The following PRKD1 variants were observed in gnomAD, a reference collection of about 807,000 sequenced individuals.
PRKD1 encodes the protein serine/threonine-protein kinase D1.
PRKD1 carries 63 observed loss-of-function variants against 95.9 expected under a neutral mutation model. The ratio of observed to expected loss-of-function variants is 0.66; its 90% CI spans 0.54 to 0.81. The LOEUF is 0.81. PRKD1 is among the 30% of genes least tolerant of loss of function. PRKD1 has a pLI of 0.00. For missense variants in PRKD1, 1,048 were observed against 1,165.3 expected (o/e 0.90, Z 1.47); for synonymous variants, 425 against 423.1 (o/e 1.00, Z -0.05).
At chr14:29,856,682 A>C (rs1282716225) in intron 1 of PRKD1, among the ~76,000 whole-genome samples, 2 of 152,230 alleles carry the variant, frequency 1.3e-5, no homozygotes, top group Non-Finnish European at 2.9e-5. Context: ...GATACCATGA[A>C]GTCCAGGAAA....
chr14:29,664,392 C>T (rs141489119), intron 3 of PRKD1, among the ~76,000 whole-genome samples: 4 of 152,126 alleles, frequency 2.6e-5, no homozygotes, highest in Admixed American at 2.6e-4. Flanking sequence ...TGCTGGTTTC[C>T]ACATGGTAGG....
intron 1 of PRKD1, among the ~76,000 whole-genome samples, chr14:29,752,819 C>T (rs143495605): frequency 1.3e-5 from 2 of 151,956 alleles, no homozygotes; most frequent in Admixed American, 6.6e-5. Flanking sequence ...TGTTTAGAAA[C>T]GAACTTTTCT....
At chr14:29,696,438 C>A (rs765913096) in intron 2 of PRKD1, among the ~76,000 whole-genome samples, 29 of 152,068 alleles carry the variant, frequency 1.9e-4, no homozygotes, top group Non-Finnish European at 3.2e-4. Context: ...CAGACTAGAG[C>A]TGATTCCTAT....
intron 11 of PRKD1, among the ~76,000 whole-genome samples, chr14:29,627,045 T>C (rs1266385330): frequency 1.3e-5 from 2 of 152,220 alleles, no homozygotes; most frequent in Non-Finnish European, 2.9e-5. Context: ...TGTAATAACG[T>C]AATGTTACGA....
chr14:29,833,904 A>C (rs45604933), intron 1 of PRKD1, among the ~76,000 whole-genome samples: 2,314 of 152,088 alleles, frequency 0.015, 56 homozygotes, highest in African/African-American at 0.047. Flanking sequence ...AAAAAGGAAG[A>C]AAAAAAGAAA....
At chr14:29,769,717 T>A (rs1490746013) in intron 1 of PRKD1, among the ~76,000 whole-genome samples, 1 of 152,170 alleles carries the variant, frequency 6.6e-6, no homozygotes, top group Non-Finnish European at 1.5e-5. Context: ...CACATACACA[T>A]GCATATACAC....
At chr14:29,602,271 G>A (rs1427662592) in intron 13 of PRKD1, among the ~76,000 whole-genome samples, 1 of 152,076 alleles carries the variant, frequency 6.6e-6, no homozygotes, top group Admixed American at 6.5e-5. Flanking sequence ...GAGGGCAGGG[G>A]TCACGGGAGT....
intron 1 of PRKD1, among the ~76,000 whole-genome samples, chr14:29,737,712 C>T (rs977244325): frequency 6.6e-6 from 1 of 152,170 alleles, no homozygotes; most frequent in African/African-American, 2.4e-5. Flanking sequence ...TCTTAGCTCC[C>T]TTGGTGGAGT....
chr14:29,884,005 T>C (rs1353041439), intron 1 of PRKD1, among the ~76,000 whole-genome samples: 1 of 152,200 alleles, frequency 6.6e-6, no homozygotes, highest in Non-Finnish European at 1.5e-5. Flanking sequence ...GATCATCAAA[T>C]GGCAACTCCT....
chr14:29,655,998 A>G (rs1042033071), intron 4 of PRKD1, among the ~76,000 whole-genome samples: 1 of 151,446 alleles, frequency 6.6e-6, no homozygotes, highest in Non-Finnish European at 1.5e-5. Context: ...AGTTACAGCC[A>G]TCTTTAGGCA....
intron 1 of PRKD1, among the ~76,000 whole-genome samples, chr14:29,903,080 A>C (rs1251814254): frequency 6.6e-6 from 1 of 152,198 alleles, no homozygotes. Context: ...TTAATAACAC[A>C]CTTCACGCTG....
In PRKD1 at chr14:29,915,799, T is replaced by C. The variant is rs55650027; in HGVS notation, c.264+11450A>G. Among the ~76,000 whole-genome samples, 152 of 152,336 alleles carry C rather than the reference T, an allele frequency of 1.0e-3. 1 individual carries two copies. The highest frequency in any genetic ancestry group is 3.5e-3 in the African/African-American group (145 of 41,586). On this transcript the variant is annotated intron_variant, in intron 1 of 17. Transcript: ENST00000331968. ...ATTTAAATTTCCTCCCATAATCTGA[T>C]AATTCCAAACTCTTCCTACAAATCT...
intron 1 of PRKD1, among the ~76,000 whole-genome samples, chr14:29,905,170 G>A (rs925554458): frequency 2.6e-5 from 4 of 152,134 alleles, no homozygotes; most frequent in African/African-American, 7.2e-5. Context: ...GCGCTCAACC[G>A]AGGGGATTGT....
intron 4 of PRKD1, among the ~76,000 whole-genome samples, chr14:29,659,656 A>G (rs1026133196): frequency 2.0e-5 from 3 of 152,172 alleles, no homozygotes; most frequent in African/African-American, 7.2e-5. Flanking sequence ...TCTTTCAATG[A>G]CAGACATTCT....
chr14:29,674,920 CTG>C (rs1308167765), intron 2 of PRKD1, among the ~76,000 whole-genome samples: 2 of 152,210 alleles, frequency 1.3e-5, no homozygotes, highest in African/African-American at 4.8e-5. Flanking sequence ...TTAAGTCTCA[CTG>C]TACTTTTCAT....
At chr14:29,761,565 T>G (rs930244020) in intron 1 of PRKD1, among the ~76,000 whole-genome samples, 8 of 152,172 alleles carry the variant, frequency 5.3e-5, no homozygotes, top group African/African-American at 1.9e-4. Flanking sequence ...ACATTTAAAG[T>G]TCTCATGCCT....
intron 1 of PRKD1, among the ~76,000 whole-genome samples, chr14:29,863,018 G>T (rs1356592953): frequency 2.0e-5 from 3 of 152,128 alleles, no homozygotes; most frequent in African/African-American, 7.2e-5. Context: ...CTTTGATAAA[G>T]ACAGCAACAT....
chr14:29,612,295 A>G (rs1000293926), intron 13 of PRKD1, among the ~76,000 whole-genome samples: 2 of 152,202 alleles, frequency 1.3e-5, no homozygotes, highest in Non-Finnish European at 1.5e-5. Flanking sequence ...GGCTATGTTT[A>G]CTTCTAAGAC....
chr14:29,900,360 T>G (rs1028084041), intron 1 of PRKD1, among the ~76,000 whole-genome samples: 1 of 152,190 alleles, frequency 6.6e-6, no homozygotes, highest in Non-Finnish European at 1.5e-5. Context: ...TGAGACCAAG[T>G]GTTCATTTAA....
Sources: allele counts gnomAD v4.1 joint callset (sites outside exome capture counted in the v4.1 genomes callset), GRCh38; gene constraint gnomAD v4.1.1; transcripts MANE v1.5; gene names NCBI Gene and HGNC (gene_info 2026-07-23, HGNC 2026-07-21).